Variants in NDP observed in about 807,000 individuals in gnomAD.
NDP encodes norrin.
In NDP, 2 loss-of-function variants were observed where a neutral mutation model predicts 8.4. The ratio of observed to expected loss-of-function variants is 0.24; its 90% CI spans 0.10 to 0.75. The LOEUF (loss-of-function observed/expected upper bound fraction) is 0.75, where lower values mean the gene tolerates loss of function less well. Among genes scored for constraint, NDP ranks in the 30% least tolerant of loss-of-function variants. NDP has a pLI of 0.73. For synonymous variants in NDP, 55 were observed against 45.6 expected (o/e 1.21, Z -0.83); for missense variants, 81 against 110.1 (o/e 0.74, Z 1.18).
In NDP at chrX:43,958,760, C is replaced by A; in HGVS notation, c.-115G>T. 1.6e-6 allele frequency: 1 copy of A among 628,868 alleles called. No homozygotes were observed. The highest frequency in any genetic ancestry group is 2.6e-6 in the Non-Finnish European group (1 of 387,256). The allele number at this position is 628,868 out of a possible 1,213,427, so 51.8% of individuals were successfully genotyped here. A position where few individuals can be genotyped will look rare whatever the true frequency, so the allele number is the denominator to read the frequency against. On this transcript the variant is annotated 5_prime_UTR_variant, in exon 2 of 3. Transcript: ENST00000642620. ...CGTTCAAGGAAAGGGCAGGATCGGG[C>A]TGAAGCTTTCTGGTTGTCATTGTCC...
At chrX:43,968,845 TTTC>T (rs1321192242) in intron 1 of NDP, among the ~76,000 whole-genome samples, 1 of 112,391 alleles carries the variant, frequency 8.9e-6, no homozygotes, top group East Asian at 2.8e-4. Context: ...CCTTTCTTTT[TTTC>T]TTCTTGTCAG....
At chrX:43,965,181 G>A (rs925010512) in intron 1 of NDP, among the ~76,000 whole-genome samples, 2 of 111,967 alleles carry the variant, frequency 1.8e-5, no homozygotes, top group African/African-American at 6.5e-5. Context: ...TTAGAAGGCA[G>A]TGTTGGGAGG....
intron 1 of NDP, chrX:43,969,602 C>T (rs1415161602): frequency 1.8e-5 from 2 of 112,567 alleles, no homozygotes; most frequent in Non-Finnish European, 3.7e-5. Context: ...GCAGCTAAGC[C>T]ATGTGGCTGC....
chrX:43,954,415 G>C (rs944683205), intron 2 of NDP: 1 of 110,629 alleles, frequency 9.0e-6, no homozygotes, highest in African/African-American at 3.3e-5. Flanking sequence ...GATACAAACT[G>C]ATCTTTGTGC....
intron 2 of NDP, among the ~76,000 whole-genome samples, chrX:43,955,491 T>C (rs1490284865): frequency 8.9e-6 from 1 of 112,556 alleles, no homozygotes; most frequent in Non-Finnish European, 1.9e-5. Context: ...CTTCAAAGCC[T>C]GGCATGCCTC....
chrX:43,959,302 A>G (rs2035813231), intron 1 of NDP, among the ~76,000 whole-genome samples: 1 of 111,319 alleles, frequency 9.0e-6, no homozygotes, highest in African/African-American at 3.3e-5. Context: ...TAATGAACAC[A>G]AGCCATGTCC....
chrX:43,959,628 T>A (rs2035815214), intron 1 of NDP, among the ~76,000 whole-genome samples: 2 of 111,540 alleles, frequency 1.8e-5, no homozygotes, highest in Non-Finnish European at 3.8e-5. Flanking sequence ...TTTTCTGAAA[T>A]TTGCTTTGTT....
chrX:43,972,556 G>A (rs2035896664), intron 1 of NDP, among the ~76,000 whole-genome samples: 1 of 111,255 alleles, frequency 9.0e-6, no homozygotes, highest in Non-Finnish European at 1.9e-5. Context: ...CTGCAGGGAC[G>A]AGCTGATGAC....
intron 2 of NDP, among the ~76,000 whole-genome samples, chrX:43,951,824 T>G (rs1164543340): frequency 2.7e-5 from 3 of 111,883 alleles, no homozygotes; most frequent in Non-Finnish European, 5.6e-5. Context: ...AAGAATAAGT[T>G]GGACTAGACC....
intron 2 of NDP, among the ~76,000 whole-genome samples, chrX:43,954,836 C>G (rs950665009): frequency 9.0e-6 from 1 of 110,938 alleles, no homozygotes; most frequent in African/African-American, 3.3e-5. Context: ...TGGCCCTTAC[C>G]GGTTCAGATA....
At chrX:43,972,724 A>G (rs1244511963) in intron 1 of NDP, among the ~76,000 whole-genome samples, 1 of 112,763 alleles carries the variant, frequency 8.9e-6, no homozygotes, top group Non-Finnish European at 1.9e-5. Flanking sequence ...AGAAGAGTGC[A>G]AGGGAGCAGG....
At chrX:43,950,303 C>T (rs764143542) in intron 2 of NDP, among the ~76,000 whole-genome samples, 1 of 110,216 alleles carries the variant, frequency 9.1e-6, no homozygotes, top group South Asian at 4.0e-4. Context: ...GAATGACGCC[C>T]ATCACTGTGA....
At chrX:43,966,828 C>T (rs773186199) in intron 1 of NDP, among the ~76,000 whole-genome samples, 1 of 111,499 alleles carries the variant, frequency 9.0e-6, no homozygotes, top group South Asian at 3.8e-4. Context: ...AACCTCCTCA[C>T]CCGCAACAAC....
intron 2 of NDP, 88 bp downstream of exon 2, chrX:43,958,384 A>ATCT (rs2035807666): frequency 9.3e-7 from 1 of 1,071,324 alleles, no homozygotes; most frequent in African/African-American, 1.8e-5. Context: ...TTGGGCTATG[A>ATCT]TCTTAGTTCT....
At chrX:43,962,780 G>T (rs1003701435) in intron 1 of NDP, among the ~76,000 whole-genome samples, 4 of 111,836 alleles carry the variant, frequency 3.6e-5, no homozygotes, top group Admixed American at 9.5e-5. Flanking sequence ...CCAATGTGGA[G>T]CCTCTGCCGG....
chrX:43,963,889 G>A (rs1191246241), intron 1 of NDP, among the ~76,000 whole-genome samples: 1 of 112,937 alleles, frequency 8.9e-6, no homozygotes, highest in African/African-American at 3.2e-5. Context: ...ATCAGTAGCA[G>A]CCAAGGAGCC....
At chrX:43,970,722 G>A (rs2035886998) in intron 1 of NDP, among the ~76,000 whole-genome samples, 1 of 111,253 alleles carries the variant, frequency 9.0e-6, no homozygotes, top group Admixed American at 9.5e-5. Context: ...GAGGGATAGT[G>A]ACTGCATCTT....
intron 1 of NDP, among the ~76,000 whole-genome samples, chrX:43,964,086 G>A (rs2035843085): frequency 8.9e-6 from 1 of 111,732 alleles, no homozygotes; most frequent in Admixed American, 9.5e-5. Flanking sequence ...TGGTGGGGGG[G>A]TGAGGGAATA....
intron 1 of NDP, among the ~76,000 whole-genome samples, chrX:43,967,926 A>G (rs1032421160): frequency 1.8e-5 from 2 of 111,256 alleles, no homozygotes; most frequent in Non-Finnish European, 3.8e-5. Context: ...TGTCTGAAAA[A>G]TTCTTAGCTT....
Sources: gnomAD v4.1 joint callset for allele counts (sites outside exome capture counted in the v4.1 genomes callset) on GRCh38, gnomAD v4.1.1 for gene constraint, MANE v1.5 for transcripts, NCBI Gene and HGNC (gene_info 2026-07-23, HGNC 2026-07-21) for gene names.